LTA4H: variants seen among roughly 807,000 people sequenced by gnomAD.
LTA4H encodes leukotriene A4 hydrolase.
In LTA4H, 59 loss-of-function variants were observed where a neutral mutation model predicts 89.8. The observed-to-expected ratio is 0.66, with a 90% CI of 0.53 to 0.82. The LOEUF (loss-of-function observed/expected upper bound fraction) is 0.82, where lower values mean the gene tolerates loss of function less well. Among genes scored for constraint, LTA4H ranks in the 40% least tolerant of loss-of-function variants. The probability of loss-of-function intolerance (pLI) is 0.00; values close to 1 mark genes in which losing one functional copy is unlikely to be tolerated. For missense variants in LTA4H, 617 were observed against 727.0 expected (o/e 0.85, Z 1.74); for synonymous variants, 227 against 253.1 (o/e 0.90, Z 0.98).
At chr12:96,019,585 ATTTTTTTTTT>A (rs755971682) in intron 6 of LTA4H, among the ~76,000 whole-genome samples, 2 of 99,390 alleles carry the variant, frequency 2.0e-5, no homozygotes, top group Non-Finnish European at 3.8e-5. Context: ...ATAAGAAACT[ATTTTTTTTTT>A]TTTTTTTTTT....
At chr12:96,033,311 A>G (rs1950596497) in intron 1 of LTA4H, among the ~76,000 whole-genome samples, 1 of 152,174 alleles carries the variant, frequency 6.6e-6, no homozygotes, top group African/African-American at 2.4e-5. Flanking sequence ...AGGTTTTATT[A>G]TATCTTAAAC....
At chr12:96,032,349 T>G (rs1950583747) in intron 1 of LTA4H, among the ~76,000 whole-genome samples, 1 of 152,192 alleles carries the variant, frequency 6.6e-6, no homozygotes, top group African/African-American at 2.4e-5. Flanking sequence ...TGGCACTGGG[T>G]CTTCCCATCT....
intron 9 of LTA4H, 48 bp from the exon 10 acceptor site, chr12:96,017,162 AAATAAC>A (rs774533530): frequency 7.8e-7 from 1 of 1,275,412 alleles, no homozygotes; most frequent in South Asian, 1.2e-5. Flanking sequence ...TCTTAACCTA[AAATAAC>A]CCATTCTACT....
At position 96,013,083 on chromosome 12, in the gene LTA4H, T is replaced by A. The variant is rs544607336; in HGVS notation, c.1379+105A>T. ...ACACCTAAGAACTCTGCTTTCATCA[T>A]TTACTAGTAACAGTTTCAGGAAGGC... is the stretch of plus-strand genomic sequence containing the variant. On this transcript the variant is annotated intron_variant, in intron 14 of 18. Coordinates refer to ENST00000228740, the MANE Select transcript of LTA4H (RefSeq NM_000895.3). The A allele has an allele frequency of 1.9e-4, 167 of 862,270 alleles. 2 individuals are homozygous for A. In the South Asian group the frequency reaches 2.3e-3, roughly 12 times the overall value. The allele number at this position is 862,270 out of a possible 1,614,324, so 53.4% of individuals were successfully genotyped here.
At chr12:96,006,975 A>C (rs1349995503) in intron 15 of LTA4H, among the ~76,000 whole-genome samples, 1 of 152,180 alleles carries the variant, frequency 6.6e-6, no homozygotes, top group Non-Finnish European at 1.5e-5. Flanking sequence ...AAGCTTATAA[A>C]AATAAGGATT....
At chr12:96,016,719 G>A (rs544016253) in intron 10 of LTA4H, among the ~76,000 whole-genome samples, 6 of 152,106 alleles carry the variant, frequency 3.9e-5, no homozygotes, top group South Asian at 4.2e-4. Context: ...TGGGCAACAC[G>A]GTGAAACCCC....
At chr12:96,015,024 G>A (rs746163240) in intron 11 of LTA4H, 25 bp from the exon 12 acceptor site, 1 of 1,601,484 alleles carries the variant, frequency 6.2e-7, no homozygotes. Context: ...ATAACATGGA[G>A]AAACATATAG....
At chr12:96,021,556 T>C (rs115642594) in intron 5 of LTA4H, among the ~76,000 whole-genome samples, 1 of 152,170 alleles carries the variant, frequency 6.6e-6, no homozygotes, top group Admixed American at 6.6e-5. Flanking sequence ...TGGCATGTTG[T>C]AGAGGCACAC....
intron 15 of LTA4H, among the ~76,000 whole-genome samples, chr12:96,008,618 T>C (rs953799970): frequency 2.0e-5 from 3 of 152,130 alleles, no homozygotes; most frequent in African/African-American, 7.2e-5. Flanking sequence ...TTTCCCCCCA[T>C]AAAACTTAAT....
At chr12:96,035,755 G>A, upstream of LTA4H, 1 of 1,041,906 alleles carries the variant, frequency 9.6e-7, no homozygotes, top group South Asian at 2.1e-5. Context: ...GAGCGTGTGT[G>A]TTAGGGATGT....
chr12:96,033,998 G>T (rs1950605707), intron 1 of LTA4H, among the ~76,000 whole-genome samples: 3 of 152,182 alleles, frequency 2.0e-5, no homozygotes, highest in African/African-American at 7.2e-5. Context: ...GTACATAGAG[G>T]AATCGACCTA....
intron 3 of LTA4H, among the ~76,000 whole-genome samples, chr12:96,026,343 T>C (rs1950512954): frequency 6.6e-6 from 1 of 152,384 alleles, no homozygotes; most frequent in South Asian, 2.1e-4. Context: ...CAATCATTTA[T>C]TAATTTAGCT....
At chr12:96,041,555 TA>T (rs148374643) in intron 1 of LTA4H, among the ~76,000 whole-genome samples, 2,171 of 147,726 alleles carry the variant, frequency 0.015, 51 homozygotes, top group African/African-American at 0.049. Context: ...TTATGTCAAT[TA>T]AAAAAAAAAC....
intron 1 of LTA4H, among the ~76,000 whole-genome samples, chr12:96,032,925 G>A (rs1950591288): frequency 6.6e-6 from 1 of 152,158 alleles, no homozygotes; most frequent in Non-Finnish European, 1.5e-5. Context: ...GATACACAGT[G>A]GGGAACACAC....
rs369137509 is a variant in LTA4H at position 96,029,126 on chromosome 12, T to C, written c.219A>G (p.Lys73=). 1.9e-6 allele frequency: 3 copies of C among 1,593,358 alleles called. No homozygotes were observed. The highest frequency in any genetic ancestry group is 2.6e-6 in the Non-Finnish European group (3 of 1,166,966). The change falls in exon 2 of 19, where the codon AAA becomes AAG. Residue 73 remains lysine (K), a synonymous_variant. Coordinates refer to ENST00000228740, the MANE Select transcript of LTA4H (RefSeq NM_000895.3). ...AACTTTGTCTTTCTCCAAGAGCATATTTGACTTCTTGTCCATTGATCACTA... is the reference window on the plus strand; with the variant it reads ...AACTTTGTCTTTCTCCAAGAGCATACTTGACTTCTTGTCCATTGATCACTA... ...EKVVINGQEV[K]YALGERQSYK... is the part of the protein sequence containing the mutation.
intron 1 of LTA4H, among the ~76,000 whole-genome samples, chr12:96,034,322 G>C (rs1169331692): frequency 6.6e-6 from 1 of 152,144 alleles, no homozygotes; most frequent in Non-Finnish European, 1.5e-5. Flanking sequence ...TCAGGTGAAA[G>C]GTACCTTCAG....
intron 1 of LTA4H, among the ~76,000 whole-genome samples, chr12:96,033,193 TCTTTTA>T (rs1198177029): frequency 1.3e-5 from 2 of 151,738 alleles, no homozygotes; most frequent in Non-Finnish European, 3.0e-5. Flanking sequence ...AAATTTTCAT[TCTTTTA>T]CTTTTATCAG....
intron 10 of LTA4H, among the ~76,000 whole-genome samples, chr12:96,016,219 C>A (rs935541185): frequency 1.4e-5 from 2 of 145,152 alleles, no homozygotes; most frequent in South Asian, 4.2e-4. Context: ...GAGGCTAAGG[C>A]ACAAGAATTG....
chr12:96,021,458 C>T (rs779937383), intron 5 of LTA4H, among the ~76,000 whole-genome samples: 2 of 152,076 alleles, frequency 1.3e-5, no homozygotes, highest in African/African-American at 2.4e-5. Context: ...CTACAGGAAG[C>T]GCATTTCCCA....
Sources: gnomAD v4.1 joint callset for allele counts (sites outside exome capture counted in the v4.1 genomes callset) on GRCh38, gnomAD v4.1.1 for gene constraint, MANE v1.5 for transcripts, NCBI Gene and HGNC (gene_info 2026-07-23, HGNC 2026-07-21) for gene names.